Variants in PDE4D observed in about 807,000 individuals in gnomAD.
PDE4D encodes phosphodiesterase 4D.
A neutral mutation model predicts 87.4 loss-of-function variants in PDE4D; 24 were observed. The observed-to-expected ratio is 0.27, with a 90% CI of 0.20 to 0.39. The LOEUF (loss-of-function observed/expected upper bound fraction) is 0.39. Ranked by LOEUF, PDE4D falls within the 10% of genes least tolerant of loss-of-function variation. PDE4D has a pLI of 1.00. For synonymous variants in PDE4D, 384 were observed against 383.2 expected (o/e 1.00, Z -0.02); for missense variants, 714 against 1,041.0 (o/e 0.69, Z 4.32).
At chr5:59,148,052 T>G (rs1306522681) in intron 5 of PDE4D, among the ~76,000 whole-genome samples, 1 of 152,178 alleles carries the variant, frequency 6.6e-6, no homozygotes, top group Non-Finnish European at 1.5e-5. Flanking sequence ...TTATTTCCTC[T>G]TTTTCTTAAT....
At chr5:60,004,504 T>C (rs922158597) in intron 2 of PDE4D, among the ~76,000 whole-genome samples, 3 of 152,102 alleles carry the variant, frequency 2.0e-5, no homozygotes, top group Admixed American at 1.3e-4. Context: ...TTTTATTATG[T>C]TTTTTCAAAT....
intron 1 of PDE4D, among the ~76,000 whole-genome samples, chr5:59,802,931 A>G (rs1767313559): frequency 2.0e-5 from 3 of 152,166 alleles, no homozygotes. Context: ...GGCCACCAAT[A>G]TGTAAACAAA....
intron 1 of PDE4D, among the ~76,000 whole-genome samples, chr5:59,636,665 A>G (rs1405195326): frequency 6.6e-6 from 1 of 152,198 alleles, no homozygotes; most frequent in Non-Finnish European, 1.5e-5. Context: ...TGGATTCCCT[A>G]TTTAATAAAT....
chr5:60,138,107 T>C (rs1780207779), intron 2 of PDE4D, among the ~76,000 whole-genome samples: 1 of 152,164 alleles, frequency 6.6e-6, no homozygotes, highest in African/African-American at 2.4e-5. Flanking sequence ...GTATGCAGTC[T>C]TGTTTCTGGG....
At chr5:60,262,885 G>A (rs531159562) in intron 1 of PDE4D, among the ~76,000 whole-genome samples, 2 of 152,174 alleles carry the variant, frequency 1.3e-5, no homozygotes, top group African/African-American at 4.8e-5. Flanking sequence ...TCAAAGTAAG[G>A]TTTGCCTCAA....
At chr5:59,540,966 A>G (rs928085746) in intron 1 of PDE4D, among the ~76,000 whole-genome samples, 5 of 152,188 alleles carry the variant, frequency 3.3e-5, no homozygotes, top group African/African-American at 1.2e-4. Context: ...TATTCATTTT[A>G]GGAAGAAAGA....
At chr5:60,449,114 T>C (rs908778599) in intron 1 of PDE4D, among the ~76,000 whole-genome samples, 3 of 122,608 alleles carry the variant, frequency 2.4e-5, no homozygotes, top group African/African-American at 9.7e-5. Flanking sequence ...CATGAAAATA[T>C]GTTTTAAAAG....
intron 1 of PDE4D, among the ~76,000 whole-genome samples, chr5:60,328,448 T>A (rs1445933023): frequency 6.6e-6 from 1 of 152,236 alleles, no homozygotes; most frequent in Non-Finnish European, 1.5e-5. Context: ...GTCAACATTA[T>A]GTTTATTATA....
At chr5:59,826,848 A>G (rs1389765468) in intron 1 of PDE4D, among the ~76,000 whole-genome samples, 1 of 152,120 alleles carries the variant, frequency 6.6e-6, no homozygotes, top group East Asian at 1.9e-4. Context: ...TACAATAAAG[A>G]AATTATTTGA....
intron 1 of PDE4D, among the ~76,000 whole-genome samples, chr5:59,696,716 A>G (rs1038416727): frequency 6.6e-6 from 1 of 152,192 alleles, no homozygotes; most frequent in African/African-American, 2.4e-5. Context: ...TTTATAAGGT[A>G]TTTATTCCAG....
At chr5:59,666,063 C>T (rs1216644726) in intron 1 of PDE4D, among the ~76,000 whole-genome samples, 5 of 152,140 alleles carry the variant, frequency 3.3e-5, no homozygotes, top group Non-Finnish European at 7.4e-5. Context: ...TGGGTTCAAG[C>T]GATTCTCCTG....
chr5:60,502,499 G>T (rs534202852), intron 1 of PDE4D, among the ~76,000 whole-genome samples: 2,064 of 151,942 alleles, frequency 0.014, 23 homozygotes, highest in South Asian at 0.028. Flanking sequence ...CTTTTTTGGT[G>T]CCATATGAAC....
At chr5:60,381,886 C>T (rs1761885330) in intron 1 of PDE4D, among the ~76,000 whole-genome samples, 1 of 152,048 alleles carries the variant, frequency 6.6e-6, no homozygotes, top group South Asian at 2.1e-4. Flanking sequence ...AGGAGTTGAA[C>T]ACAAACTGTG....
At chr5:60,075,875 T>C (rs550483733) in intron 2 of PDE4D, among the ~76,000 whole-genome samples, 1 of 152,332 alleles carries the variant, frequency 6.6e-6, no homozygotes, top group Non-Finnish European at 1.5e-5. Context: ...GTTACACTCT[T>C]TTCTATACTG....
At chr5:59,346,519 C>T (rs1050693872) in intron 1 of PDE4D, among the ~76,000 whole-genome samples, 3 of 151,938 alleles carry the variant, frequency 2.0e-5, no homozygotes, top group African/African-American at 4.8e-5. Flanking sequence ...TTTCCCCCAC[C>T]GATAATAATT....
intron 1 of PDE4D, among the ~76,000 whole-genome samples, chr5:59,467,525 T>C (rs1263369993): frequency 1.3e-5 from 2 of 152,258 alleles, no homozygotes; most frequent in Non-Finnish European, 2.9e-5. Flanking sequence ...TTTTTAATAA[T>C]ATATTTACTC....
chr5:59,278,906 C>T (rs1239407992), intron 1 of PDE4D, among the ~76,000 whole-genome samples: 1 of 152,078 alleles, frequency 6.6e-6, no homozygotes, highest in African/African-American at 2.4e-5. Context: ...TGTGATCTCC[C>T]TTTCTCTTAT....
chr5:59,019,168 G>T (rs1472455527), intron 6 of PDE4D, among the ~76,000 whole-genome samples: 1 of 151,882 alleles, frequency 6.6e-6, no homozygotes, highest in East Asian at 1.9e-4. Flanking sequence ...CTGTGGTCCT[G>T]CCAAGTCTTA....
In PDE4D at chr5:59,934,629, G is replaced by A. The variant is rs182507051; in HGVS notation, c.272+53859C>T. Among the ~76,000 whole-genome samples, 43 of 152,372 alleles carry A rather than the reference G, an allele frequency of 2.8e-4. No individual in the cohort carries two copies. In the South Asian group the frequency reaches 5.4e-3, roughly 19 times the overall value. ...TATAATATATAGTGCAGCATGGGCT[G>A]TCTTCTAAATAGCAAAGAATATGCA... is the stretch of plus-strand genomic sequence containing the variant. On this transcript the variant is annotated intron_variant, in intron 3 of 16. Coordinates refer to the PDE4D transcript ENST00000502484.
Sources: allele counts gnomAD v4.1 joint callset (sites outside exome capture counted in the v4.1 genomes callset), GRCh38; gene constraint gnomAD v4.1.1; transcripts MANE v1.5; gene names NCBI Gene and HGNC (gene_info 2026-07-23, HGNC 2026-07-21).